Variants in HS6ST3 observed in about 807,000 individuals in gnomAD.
HS6ST3 encodes heparan-sulfate 6-O-sulfotransferase 3.
In HS6ST3, 12 loss-of-function variants were observed where a neutral mutation model predicts 36.7. The observed-to-expected ratio is 0.33, with a 90% CI of 0.21 to 0.53. The LOEUF (loss-of-function observed/expected upper bound fraction) is 0.53, where lower values mean the gene tolerates loss of function less well. Ranked by LOEUF, HS6ST3 falls within the 20% of genes least tolerant of loss-of-function variation. The pLI, the probability that HS6ST3 is intolerant of heterozygous loss-of-function variation, is 0.95. For synonymous variants in HS6ST3, 240 were observed against 257.5 expected (o/e 0.93, Z 0.65); for missense variants, 584 against 640.9 (o/e 0.91, Z 0.96).
intron 1 of HS6ST3, among the ~76,000 whole-genome samples, chr13:96,509,756 A>G (rs928636498): frequency 2.6e-5 from 4 of 152,298 alleles, no homozygotes; most frequent in Middle Eastern, 3.4e-3. Flanking sequence ...GCCATGTAGT[A>G]TAATTTGAAG....
At chr13:96,756,785 G>T (rs1278042021) in intron 1 of HS6ST3, among the ~76,000 whole-genome samples, 1 of 152,130 alleles carries the variant, frequency 6.6e-6, no homozygotes, top group Non-Finnish European at 1.5e-5. Context: ...GCACTTGCTT[G>T]CTGCATATCT....
intron 1 of HS6ST3, among the ~76,000 whole-genome samples, chr13:96,671,406 A>T (rs2056682263): frequency 6.6e-6 from 1 of 152,172 alleles, no homozygotes; most frequent in Admixed American, 6.5e-5. Context: ...AACTACAAAG[A>T]TGTATCCTGG....
At chr13:96,554,269 A>G (rs902118155) in intron 1 of HS6ST3, among the ~76,000 whole-genome samples, 1 of 152,218 alleles carries the variant, frequency 6.6e-6, no homozygotes, top group African/African-American at 2.4e-5. Flanking sequence ...TGTGTTACCA[A>G]ACCAAGAGGT....
intron 1 of HS6ST3, among the ~76,000 whole-genome samples, chr13:96,225,048 TGA>T (rs1376817576): frequency 6.6e-6 from 1 of 152,226 alleles, no homozygotes; most frequent in Non-Finnish European, 1.5e-5. Flanking sequence ...AGTTGGCAAT[TGA>T]GAGAGTCCCT....
chr13:96,641,627 G>T (rs1479562221), intron 1 of HS6ST3, among the ~76,000 whole-genome samples: 1 of 151,530 alleles, frequency 6.6e-6, no homozygotes, highest in Admixed American at 6.6e-5. Flanking sequence ...ATTTTCTGGT[G>T]TACCATTTTA....
intron 1 of HS6ST3, among the ~76,000 whole-genome samples, chr13:96,643,982 A>T (rs1040607384): frequency 1.3e-5 from 2 of 151,946 alleles, no homozygotes; most frequent in Admixed American, 6.6e-5. Context: ...GGCTAGAGTT[A>T]TAAAAAAGTT....
intron 1 of HS6ST3, among the ~76,000 whole-genome samples, chr13:96,654,916 A>T (rs2056619573): frequency 6.6e-6 from 1 of 152,104 alleles, no homozygotes; most frequent in Admixed American, 6.6e-5. Context: ...CTATTAGAAA[A>T]GAGCCTGGAG....
chr13:96,424,778 G>C (rs953645685), intron 1 of HS6ST3, among the ~76,000 whole-genome samples: 7 of 152,152 alleles, frequency 4.6e-5, no homozygotes, highest in African/African-American at 1.4e-4. Flanking sequence ...AGGAATTAAT[G>C]TATGAATTTG....
intron 1 of HS6ST3, among the ~76,000 whole-genome samples, chr13:96,802,470 ACT>A (rs1878100763): frequency 6.6e-6 from 1 of 152,008 alleles, no homozygotes; most frequent in Non-Finnish European, 1.5e-5. Flanking sequence ...CTTCATACAT[ACT>A]CTTTTTCCAA....
intron 1 of HS6ST3, among the ~76,000 whole-genome samples, chr13:96,440,135 A>G (rs964775069): frequency 5.3e-5 from 8 of 152,216 alleles, no homozygotes; most frequent in African/African-American, 1.7e-4. Flanking sequence ...CTTGAAGTTA[A>G]TTTTCCCTAG....
chr13:96,097,911 T>C (rs2053799111), intron 1 of HS6ST3, among the ~76,000 whole-genome samples: 1 of 152,166 alleles, frequency 6.6e-6, no homozygotes, highest in African/African-American at 2.4e-5. Flanking sequence ...CTTGACAAGA[T>C]TGTGTTATTT....
At chr13:96,830,837 G>A (rs931358939) in intron 1 of HS6ST3, among the ~76,000 whole-genome samples, 9 of 152,188 alleles carry the variant, frequency 5.9e-5, no homozygotes, top group African/African-American at 1.9e-4. Context: ...TATTTCTGGA[G>A]CTGGCCCCCC....
At chr13:96,261,790 C>T (rs1434022057) in intron 1 of HS6ST3, among the ~76,000 whole-genome samples, 2 of 152,094 alleles carry the variant, frequency 1.3e-5, no homozygotes, top group Non-Finnish European at 2.9e-5. Flanking sequence ...AATATGGTCC[C>T]TGTTTTATTT....
intron 1 of HS6ST3, among the ~76,000 whole-genome samples, chr13:96,581,415 G>A (rs528995830): frequency 6.6e-6 from 1 of 152,022 alleles, no homozygotes; most frequent in East Asian, 1.9e-4. Flanking sequence ...GTAGAGACAG[G>A]GTTTCGCCAT....
intron 1 of HS6ST3, among the ~76,000 whole-genome samples, chr13:96,464,137 T>TAAAAAA (rs2055799518): frequency 6.5e-4 from 2 of 3,084 alleles, no homozygotes; most frequent in South Asian, 0.031. Flanking sequence ...CTGTCAGGCC[T>TAAAAAA]CAAAAAAAAA....
Position 96,277,763 on chromosome 13 carries a change from T to A in HS6ST3, c.707+186194T>A, listed in dbSNP as rs570385238. 7.4e-4 allele frequency among the ~76,000 whole-genome samples: 113 copies of A among 152,316 alleles called. 1 individual carries two copies. Among genetic ancestry groups the A allele is most frequent in the African/African-American group, 2.7e-3 (112 of 41,590 alleles). ...TAAAGGCTGGGAGAGAACACAGATA[T>A]GAAAATAGTTATATTTGGGTGATAG... is the stretch of plus-strand genomic sequence containing the variant. On this transcript the variant is annotated intron_variant, in intron 1 of 1. Transcript: ENST00000376705.
At chr13:96,557,748 A>G (rs1444134402) in intron 1 of HS6ST3, among the ~76,000 whole-genome samples, 1 of 152,202 alleles carries the variant, frequency 6.6e-6, no homozygotes, top group East Asian at 1.9e-4. Flanking sequence ...TAGTATTTTC[A>G]GTACTCACTC....
At chr13:96,559,888 G>A (rs543078920) in intron 1 of HS6ST3, among the ~76,000 whole-genome samples, 4 of 152,274 alleles carry the variant, frequency 2.6e-5, no homozygotes, top group African/African-American at 7.2e-5. Context: ...ATGCTAAAAT[G>A]TATTTTTAGT....
chr13:96,278,978 A>G (rs767477952), intron 1 of HS6ST3, among the ~76,000 whole-genome samples: 8 of 152,152 alleles, frequency 5.3e-5, no homozygotes, highest in Non-Finnish European at 8.8e-5. Context: ...TGAATTTCCA[A>G]CACTGTGTCA....
Sources: allele counts gnomAD v4.1 joint callset (sites outside exome capture counted in the v4.1 genomes callset), GRCh38; gene constraint gnomAD v4.1.1; transcripts MANE v1.5; gene names NCBI Gene and HGNC (gene_info 2026-07-23, HGNC 2026-07-21).